KHDRBS2: variants seen among roughly 807,000 people sequenced by gnomAD.
KHDRBS2 encodes the protein KH RNA binding domain containing, signal transduction associated 2.
Under a neutral mutation model 44.3 loss-of-function variants are expected in KHDRBS2, and 26 were observed. That is an observed-to-expected ratio of 0.59 (90% CI 0.43 to 0.81). The LOEUF (loss-of-function observed/expected upper bound fraction) is 0.81. Among genes scored for constraint, KHDRBS2 ranks in the 40% least tolerant of loss-of-function variants. The pLI is 0.00. For missense variants in KHDRBS2, 476 were observed against 433.1 expected (o/e 1.10, Z -0.88); for synonymous variants, 194 against 151.1 (o/e 1.28, Z -2.08).
intron 4 of KHDRBS2, among the ~76,000 whole-genome samples, chr6:61,913,522 A>G (rs73487396): frequency 0.01 from 1,566 of 151,402 alleles, 27 homozygotes; most frequent in African/African-American, 0.036. Context: ...AATATTATAT[A>G]TAGTAAATAA....
At chr6:61,556,828 T>G in the KHDRBS2 span, among the ~76,000 whole-genome samples, 1 of 147,362 alleles carries the variant, frequency 6.8e-6, no homozygotes, top group African/African-American at 2.5e-5. Flanking sequence ...ATAAAATTAA[T>G]AATAGTTACT....
At chr6:61,958,724 C>G (rs566745708) in intron 4 of KHDRBS2, among the ~76,000 whole-genome samples, 8 of 152,270 alleles carry the variant, frequency 5.3e-5, no homozygotes, top group Non-Finnish European at 1.2e-4. Context: ...ATAAAATACT[C>G]TATTTCACCT....
At chr6:62,046,151 A>G (rs1787645501) in intron 3 of KHDRBS2, among the ~76,000 whole-genome samples, 1 of 151,978 alleles carries the variant, frequency 6.6e-6, no homozygotes, top group Admixed American at 6.6e-5. Context: ...AGGTAATATT[A>G]GTAAATTAAA....
At position 61,901,290 on chromosome 6, in the gene KHDRBS2, C is replaced by A; in HGVS notation, c.565G>T (p.Gly189Cys). The A allele has an allele frequency of 1.9e-6, 3 of 1,613,466 alleles. No individual in the cohort carries two copies. Among genetic ancestry groups the A allele is most frequent in the Non-Finnish European group, 2.5e-6 (3 of 1,179,596 alleles). Residue 189 changes from glycine (G) to cysteine (C), a missense_variant, in exon 5 of 9, where the codon GGT (glycine) becomes TGT (cysteine). Gly to Cys is a radical substitution (Grantham distance 159). Coordinates refer to ENST00000281156, the MANE Select transcript of KHDRBS2 (RefSeq NM_152688.4). ...NGSEDSGRGR[G>C]IRGRGIRIAP... is the part of the protein sequence containing the mutation. ...ATTCTGATCCCTCTGCCTCTAATAC[C>A]TCTGCCACGACCAGAGTCCTCTGAG...
chr6:61,727,062 T>C (rs1192566129), intron 7 of KHDRBS2, among the ~76,000 whole-genome samples: 1 of 151,982 alleles, frequency 6.6e-6, no homozygotes, highest in Non-Finnish European at 1.5e-5. Context: ...ACAATACTGG[T>C]ACAAAAACAA....
At chr6:61,924,041 A>G (rs942249937) in intron 4 of KHDRBS2, among the ~76,000 whole-genome samples, 2 of 152,086 alleles carry the variant, frequency 1.3e-5, no homozygotes, top group African/African-American at 4.8e-5. Context: ...ACAAAATCAT[A>G]CCCTTTGTAG....
chr6:61,718,904 A>G (rs1026139737), intron 7 of KHDRBS2, among the ~76,000 whole-genome samples: 23 of 152,210 alleles, frequency 1.5e-4, no homozygotes, highest in Admixed American at 3.9e-4. Context: ...CCCCGCCCCC[A>G]CACTGTTTCA....
chr6:61,615,954 A>C, the KHDRBS2 span, among the ~76,000 whole-genome samples: 3 of 152,200 alleles, frequency 2.0e-5, no homozygotes, highest in East Asian at 5.8e-4. Flanking sequence ...AATCCATAAA[A>C]GTCTATGAAA....
intron 4 of KHDRBS2, among the ~76,000 whole-genome samples, chr6:61,967,677 A>G (rs1583851922): frequency 6.6e-6 from 1 of 151,830 alleles, no homozygotes; most frequent in East Asian, 1.9e-4. Flanking sequence ...ATAAGCACAC[A>G]GAGAGAGGTG....
intron 3 of KHDRBS2, among the ~76,000 whole-genome samples, chr6:62,029,194 A>C (rs537279033): frequency 9.9e-5 from 15 of 152,168 alleles, no homozygotes; most frequent in African/African-American, 3.6e-4. Context: ...ATACTTTAAC[A>C]ATGTTAAATT....
intron 2 of KHDRBS2, among the ~76,000 whole-genome samples, chr6:62,141,793 A>G (rs1023811500): frequency 2.6e-5 from 4 of 152,132 alleles, no homozygotes; most frequent in African/African-American, 4.8e-5. Context: ...TTTCATGTAC[A>G]TGAGTGCTAG....
At chr6:62,075,154 A>G (rs1796087388) in intron 2 of KHDRBS2, among the ~76,000 whole-genome samples, 1 of 151,882 alleles carries the variant, frequency 6.6e-6, no homozygotes, top group South Asian at 2.1e-4. Flanking sequence ...CAAAATTCAT[A>G]TGTTGAAACC....
At chr6:62,166,990 C>T (rs1321726535) in intron 2 of KHDRBS2, among the ~76,000 whole-genome samples, 2 of 151,954 alleles carry the variant, frequency 1.3e-5, no homozygotes, top group East Asian at 3.9e-4. Flanking sequence ...TTTTGGCTGT[C>T]ATGGGGCCCT....
At chr6:61,850,563 A>T (rs1347173441) in intron 6 of KHDRBS2, among the ~76,000 whole-genome samples, 1 of 152,154 alleles carries the variant, frequency 6.6e-6, no homozygotes. Flanking sequence ...AAAATAACTC[A>T]CTTATAATTG....
chr6:61,887,306 T>C lies in KHDRBS2; in HGVS notation c.810+7329A>G, dbSNP rs138196793. ...TCTCTTTTAACATATTATCCACTGG[T>C]AGAGCTGATAATGCTTAATATTTTG... On this transcript the variant is annotated intron_variant, in intron 6 of 8. Transcript: ENST00000281156. Among the ~76,000 whole-genome samples, 677 of 152,318 alleles carry C rather than the reference T, an allele frequency of 4.4e-3. 8 individuals are homozygous for C. The highest frequency in any genetic ancestry group is 0.015 in the African/African-American group (635 of 41,566).
intron 2 of KHDRBS2, among the ~76,000 whole-genome samples, chr6:62,116,973 GTTTC>G (rs2150079381): frequency 6.6e-6 from 1 of 152,120 alleles, no homozygotes; most frequent in African/African-American, 2.4e-5. Context: ...TATATACCAT[GTTTC>G]TTTATCCATT....
chr6:61,909,233 A>T (rs1174846313), intron 4 of KHDRBS2, among the ~76,000 whole-genome samples: 2 of 151,304 alleles, frequency 1.3e-5, no homozygotes, highest in Admixed American at 1.3e-4. Context: ...TGCCCAGCTA[A>T]TTTTTTTGTA....
At chr6:62,002,828 T>A (rs1778504637) in intron 3 of KHDRBS2, among the ~76,000 whole-genome samples, 1 of 151,816 alleles carries the variant, frequency 6.6e-6, no homozygotes. Context: ...TTAATTATTT[T>A]CATTATTGTT....
intron 2 of KHDRBS2, among the ~76,000 whole-genome samples, chr6:62,163,498 A>AT: frequency 6.6e-6 from 1 of 152,132 alleles, no homozygotes; most frequent in East Asian, 1.9e-4. Context: ...TGGGTAGAAC[A>AT]TTTAGCCGTA....
Sources: gnomAD v4.1 joint callset for allele counts (sites outside exome capture counted in the v4.1 genomes callset) on GRCh38, gnomAD v4.1.1 for gene constraint, MANE v1.5 for transcripts, NCBI Gene and HGNC (gene_info 2026-07-23, HGNC 2026-07-21) for gene names.